Variants in PTPRK observed in about 807,000 individuals in gnomAD.
PTPRK encodes the protein receptor-type tyrosine-protein phosphatase kappa.
A neutral mutation model predicts 178.0 loss-of-function variants in PTPRK; 75 were observed. The observed-to-expected ratio is 0.42, with a 90% confidence interval of 0.35 to 0.51. The LOEUF (loss-of-function observed/expected upper bound fraction) is 0.51. PTPRK is among the 20% of genes least tolerant of loss of function. The pLI is 0.02. For missense variants in PTPRK, 1,441 were observed against 1,797.8 expected, an observed-to-expected ratio of 0.80 and a Z score of 3.59; for synonymous variants, 637 against 620.6, an observed-to-expected ratio of 1.03 and a Z score of -0.39.
intron 1 of PTPRK, among the ~76,000 whole-genome samples, chr6:128,494,885 T>C (rs953343343): frequency 3.3e-5 from 5 of 152,222 alleles, no homozygotes; most frequent in Non-Finnish European, 5.9e-5. Flanking sequence ...AAGAGCTGAA[T>C]TGCTATTTTT....
intron 1 of PTPRK, among the ~76,000 whole-genome samples, chr6:128,445,270 T>G (rs1846849211): frequency 7.2e-6 from 1 of 138,244 alleles, no homozygotes; most frequent in Non-Finnish European, 1.6e-5. Context: ...TATAATAGTA[T>G]AAATACTATA....
chr6:128,432,903 A>G (rs2076019848), intron 1 of PTPRK, among the ~76,000 whole-genome samples: 1 of 151,896 alleles, frequency 6.6e-6, no homozygotes, highest in South Asian at 2.1e-4. Flanking sequence ...ATGATTTTGC[A>G]GCTATAGTTT....
In PTPRK at chr6:127,998,793, C is replaced by T; in HGVS notation, c.2606G>A (p.Arg869Lys). The change falls in exon 16 of 30, where the codon AGG becomes AAG. Residue 869 changes from arginine to lysine, a missense_variant. Physicochemically the swap from Arg to Lys is conservative, Grantham distance 26. Transcript: ENST00000368226. ...YQTGQLHPAI[R>K]VADLLQHINL... ...AATGTGCTGCAGTAAATCAGCTACC[C>T]TGATGGCTGGATGCAGCTGTCCTGT... 1 of 1,610,972 alleles carries T rather than the reference C, an allele frequency of 6.2e-7. No homozygotes were observed. The highest frequency in any genetic ancestry group is 8.5e-7 in the Non-Finnish European group (1 of 1,178,090).
chr6:128,163,246 T>G (rs1798935486), intron 7 of PTPRK, among the ~76,000 whole-genome samples: 1 of 151,186 alleles, frequency 6.6e-6, no homozygotes, highest in South Asian at 2.1e-4. Flanking sequence ...GGTTGCTGAA[T>G]TGAATGCAAT....
At chr6:128,058,825 A>G (rs751143484) in intron 13 of PTPRK, among the ~76,000 whole-genome samples, 9 of 151,862 alleles carry the variant, frequency 5.9e-5, no homozygotes, top group Non-Finnish European at 1.0e-4. Flanking sequence ...CTATACTGTT[A>G]TAACTCTTAT....
rs1008907644 is a variant in PTPRK at position 128,280,869 on chromosome 6, G to A, written c.496-38267C>T. Among the ~76,000 whole-genome samples the A allele has an allele frequency of 1.2e-4, 18 of 152,026 alleles. 5 individuals carry two copies. The highest frequency in any genetic ancestry group is 1.1e-3 in the Admixed American group (17 of 15,264). On this transcript the variant is annotated intron_variant, in intron 3 of 29. Coordinates refer to ENST00000368226, the MANE Select transcript of PTPRK (RefSeq NM_002844.4). ...TAATTGTAGTTATGTTAGATGTTTGGGACTTCGAATATTTTTAAAGTCTAT... is the reference window on the plus strand; with the variant it reads ...TAATTGTAGTTATGTTAGATGTTTGAGACTTCGAATATTTTTAAAGTCTAT...
intron 3 of PTPRK, among the ~76,000 whole-genome samples, chr6:128,309,382 G>C (rs1826907646): frequency 1.3e-5 from 2 of 152,088 alleles, no homozygotes. Context: ...GGCAGAGAGG[G>C]GTGGGGGAGC....
At chr6:128,481,779 T>C (rs1258833097) in intron 1 of PTPRK, among the ~76,000 whole-genome samples, 1 of 152,048 alleles carries the variant, frequency 6.6e-6, no homozygotes. Flanking sequence ...CTTTCATGAA[T>C]ATACATTTTA....
intron 13 of PTPRK, among the ~76,000 whole-genome samples, chr6:128,058,771 G>A (rs977657545): frequency 2.8e-4 from 43 of 151,104 alleles, no homozygotes; most frequent in African/African-American, 9.9e-4. Flanking sequence ...GTCAATCTTT[G>A]ACTATTGTAA....
At chr6:128,065,095 G>A (rs1033409731) in intron 12 of PTPRK, among the ~76,000 whole-genome samples, 2 of 152,058 alleles carry the variant, frequency 1.3e-5, no homozygotes, top group African/African-American at 2.4e-5. Flanking sequence ...ATAGTGCTTC[G>A]TAAACTATCA....
intron 5 of PTPRK, among the ~76,000 whole-genome samples, chr6:128,222,756 T>C (rs749353696): frequency 3.6e-4 from 55 of 152,358 alleles, no homozygotes; most frequent in Admixed American, 1.3e-3. Context: ...GTTTATGCAT[T>C]GCCAATATTG....
At chr6:127,983,959 A>G (rs1054750751) in intron 22 of PTPRK, among the ~76,000 whole-genome samples, 2 of 152,162 alleles carry the variant, frequency 1.3e-5, no homozygotes, top group Admixed American at 6.5e-5. Flanking sequence ...AACAGTGTAA[A>G]GACTATTTGA....
intron 1 of PTPRK, among the ~76,000 whole-genome samples, chr6:128,466,416 T>C (rs868350307): frequency 1.3e-5 from 2 of 152,330 alleles, no homozygotes; most frequent in Middle Eastern, 3.4e-3. Context: ...CTAACACAGA[T>C]TTTCTTAATC....
intron 11 of PTPRK, among the ~76,000 whole-genome samples, chr6:128,071,271 C>T (rs1411598618): frequency 6.6e-6 from 1 of 151,970 alleles, no homozygotes; most frequent in Non-Finnish European, 1.5e-5. Flanking sequence ...TTCTTTTCAA[C>T]TCTGTTCACT....
chr6:128,003,637 T>C (rs1181135695), intron 15 of PTPRK, among the ~76,000 whole-genome samples: 1 of 151,908 alleles, frequency 6.6e-6, no homozygotes, highest in Non-Finnish European at 1.5e-5. Flanking sequence ...TGGATATTTA[T>C]AGTTACACTG....
At chr6:128,253,104 A>G (rs1291197035) in intron 3 of PTPRK, among the ~76,000 whole-genome samples, 1 of 152,222 alleles carries the variant, frequency 6.6e-6, no homozygotes, top group African/African-American at 2.4e-5. Flanking sequence ...AGACAGGCAG[A>G]GCATAATAAT....
intron 13 of PTPRK, among the ~76,000 whole-genome samples, chr6:128,044,790 CA>C: frequency 6.6e-6 from 1 of 151,898 alleles, no homozygotes; most frequent in South Asian, 2.1e-4. Flanking sequence ...AATTATGTAT[CA>C]AAACTTCAAA....
At chr6:128,324,672 C>T (rs995063562) in intron 2 of PTPRK, among the ~76,000 whole-genome samples, 5 of 152,080 alleles carry the variant, frequency 3.3e-5, no homozygotes, top group African/African-American at 4.8e-5. Flanking sequence ...CCACATTCTC[C>T]GAGTGCTCTG....
chr6:128,444,290 A>T (rs1006636646), intron 1 of PTPRK, among the ~76,000 whole-genome samples: 10 of 152,136 alleles, frequency 6.6e-5, no homozygotes, highest in African/African-American at 2.4e-4. Context: ...TATACATCTG[A>T]TCAAATTCCT....
Sources: gnomAD v4.1 joint callset for allele counts (sites outside exome capture counted in the v4.1 genomes callset) on GRCh38, gnomAD v4.1.1 for gene constraint, MANE v1.5 for transcripts, NCBI Gene and HGNC (gene_info 2026-07-23, HGNC 2026-07-21) for gene names.